The following OFD1 variants were observed in gnomAD, a reference collection of about 807,000 sequenced individuals.
The protein encoded by OFD1 is OFD1 centriole and centriolar satellite protein.
In OFD1, 12 loss-of-function variants were observed where a neutral mutation model predicts 81.4. That is an observed-to-expected ratio of 0.15 (90% CI 0.09 to 0.24). The LOEUF (loss-of-function observed/expected upper bound fraction) is 0.24. OFD1 is among the 10% of genes least tolerant of loss of function. The probability of loss-of-function intolerance (pLI) is 1.00; values close to 1 mark genes in which losing one functional copy is unlikely to be tolerated. For synonymous variants in OFD1, 256 were observed against 263.7 expected, an observed-to-expected ratio of 0.97 and a Z score of 0.28; for missense variants, 685 against 733.9, an observed-to-expected ratio of 0.93 and a Z score of 0.77.
chrX:13,730,046 A>T (rs889394917), upstream of OFD1, among the ~76,000 whole-genome samples: 1 of 112,237 alleles, frequency 8.9e-6, no homozygotes, highest in Admixed American at 9.5e-5. Flanking sequence ...AAAAGCAATG[A>T]CAACAAAAGC....
intron 18 of OFD1, 24 bp from the exon 19 acceptor site, chrX:13,763,721 A>G: frequency 8.7e-7 from 1 of 1,147,548 alleles, no homozygotes; most frequent in Non-Finnish European, 1.2e-6. Context: ...TTAAGGACTC[A>G]TGGGACAATT....
chrX:13,739,778 A>C, intron 5 of OFD1: 1 of 742,953 alleles, frequency 1.3e-6, no homozygotes, highest in Non-Finnish European at 1.6e-6. Flanking sequence ...ATATAGACCT[A>C]ATAAATTGCC....
rs1348492246 is a variant in OFD1, at chrX:13,736,480, A to G, written c.114A>G (p.Thr38=). 1.7e-6 allele frequency: 2 copies of G among 1,209,655 alleles called. No individual in the cohort carries two copies. The highest frequency in any genetic ancestry group is 3.5e-5 in the South Asian group (2 of 56,945). The change falls in exon 3 of 23, where the codon ACA becomes ACG. Residue 38 remains threonine (T), a splice_region_variant and synonymous_variant. Transcript: ENST00000340096. ...KDRGILDTLK[T]QLRNQLIHEL... ...TTTTTGTTTTTATTTTATGCTAGACACAACTTCGAAACCAGCTAATTCATG... is the reference window on the plus strand; with the variant it reads ...TTTTTGTTTTTATTTTATGCTAGACGCAACTTCGAAACCAGCTAATTCATG...
intron 21 of OFD1, 91 bp downstream of exon 21, chrX:13,768,315 A>T: frequency 1.4e-6 from 1 of 694,596 alleles, no homozygotes; most frequent in Non-Finnish European, 2.3e-6. Flanking sequence ...CGTCTTCTCC[A>T]TTGAAGACAA....
intron 5 of OFD1, chrX:13,740,054 A>G: frequency 1.1e-6 from 1 of 939,706 alleles, no homozygotes; most frequent in Non-Finnish European, 1.4e-6. Context: ...CAATTCATTT[A>G]GAACTTAATC....
the OFD1 span, among the ~76,000 whole-genome samples, chrX:13,723,642 A>C: frequency 9.0e-6 from 1 of 111,721 alleles, no homozygotes; most frequent in African/African-American, 3.3e-5. Flanking sequence ...CCATCGCCTT[A>C]AATAGGGGCC....
the OFD1 span, chrX:13,716,517 T>C: frequency 8.3e-7 from 1 of 1,209,119 alleles, no homozygotes; most frequent in Non-Finnish European, 1.1e-6. Context: ...TTACCTTTAC[T>C]AAGAAGGTAA....
upstream of OFD1, among the ~76,000 whole-genome samples, chrX:13,733,799 TG>T (rs1194705158): frequency 9.1e-6 from 1 of 110,403 alleles, no homozygotes; most frequent in Non-Finnish European, 1.9e-5. Flanking sequence ...CTTCCTGTGA[TG>T]TTCTCCTTTT....
Position 13,760,065 on chromosome X carries a change from T to G in OFD1, c.1655-50T>G, listed in dbSNP as rs755350859. ...AAATAATATTCTCAAGTATATTTTC[T>G]TCTCTGCCTTGTCCACTTACTTCTG... On this transcript the variant is annotated intron_variant, in intron 15 of 22. Coordinates refer to ENST00000340096, the MANE Select transcript of OFD1 (RefSeq NM_003611.3). The G allele has an allele frequency of 1.3e-5, 16 of 1,205,799 alleles. 1 individual carries two copies. The Admixed American group carries it at 2.4e-4, about 18-fold the overall frequency.
intron 5 of OFD1, 72 bp downstream of exon 5, chrX:13,739,104 A>G (rs1241793300): frequency 2.3e-6 from 2 of 884,156 alleles, no homozygotes; most frequent in East Asian, 6.4e-5. Context: ...GAATGAAGCA[A>G]ATTTTTAGGG....
Position 13,736,489 on chromosome X carries a change from A to C in OFD1, c.123A>C (p.Arg41=). 1 of 1,211,081 alleles carries C rather than the reference A, an allele frequency of 8.3e-7. No individual in the cohort carries two copies. The highest frequency in any genetic ancestry group is 1.1e-6 in the Non-Finnish European group (1 of 894,744). Residue 41 remains arginine, a synonymous_variant, in exon 3 of 23, where the codon CGA becomes CGC. Transcript: ENST00000340096. ...GILDTLKTQL[R]NQLIHELMHP... The stretch of plus-strand genomic sequence containing the variant: ...TTATTTTATGCTAGACACAACTTCG[A>C]AACCAGCTAATTCATGAGTTGATGC...
At position 13,769,037 on chromosome X, in the gene OFD1, A is replaced by G. The variant is rs148787280; in HGVS notation, c.2997-29A>G. ...AAATAAACTTGACACAAATTTTTAC[A>G]TTTTAATTTTTATCTTTCCCTAATT... On this transcript the variant is annotated intron_variant, in intron 22 of 22. Transcript: ENST00000340096. The G allele has an allele frequency of 3.4e-3, 3,701 of 1,104,687 alleles. 55 individuals are homozygous for G. In the African/African-American group the frequency reaches 0.044, roughly 13 times the overall value. 91.0% of individuals were successfully genotyped at this position (1,104,687 alleles called of 1,213,427 possible).
the OFD1 span, among the ~76,000 whole-genome samples, chrX:13,724,928 C>T: frequency 1.8e-5 from 2 of 113,441 alleles, no homozygotes; most frequent in Non-Finnish European, 3.7e-5. Flanking sequence ...GTCTTAGCAA[C>T]CGGCAGACAA....
the OFD1 span, among the ~76,000 whole-genome samples, chrX:13,729,568 C>G: frequency 3.6e-5 from 4 of 112,126 alleles, no homozygotes; most frequent in Non-Finnish European, 5.6e-5. Flanking sequence ...GAAACTGGAT[C>G]CCTTCCTTAC....
chrX:13,765,703 A>G (rs1026609184), intron 19 of OFD1, among the ~76,000 whole-genome samples: 1 of 112,017 alleles, frequency 8.9e-6, no homozygotes, highest in East Asian at 2.8e-4. Flanking sequence ...GGTCAGAGCC[A>G]GAAGAGAAAG....
chrX:13,754,328 T>C (rs2047619764), intron 11 of OFD1, among the ~76,000 whole-genome samples: 1 of 110,543 alleles, frequency 9.0e-6, no homozygotes, highest in Non-Finnish European at 1.9e-5. Flanking sequence ...AGTTGAAGTT[T>C]TGGTGGAAAT....
At chrX:13,756,507 C>A in intron 12 of OFD1, 71 bp from the exon 13 acceptor site, 1 of 846,369 alleles carries the variant, frequency 1.2e-6, no homozygotes, top group Non-Finnish European at 1.7e-6. Context: ...CTTAAAGGAG[C>A]CTGCCAGCTT....
At chrX:13,736,127 G>C (rs1318294250) in intron 2 of OFD1, 1 of 848,730 alleles carries the variant, frequency 1.2e-6, no homozygotes, top group African/African-American at 2.2e-5. Context: ...GTGTGATGAA[G>C]TGGCAGAATT....
In OFD1 at chrX:13,734,860, A is replaced by G; in HGVS notation, c.-212A>G. ...TCCTCGCCCTTGCCTCAGAACCGCGAAGAAAGGAAGCTCGCGTGTTTGCTA... is the reference window on the plus strand; with the variant it reads ...TCCTCGCCCTTGCCTCAGAACCGCGGAGAAAGGAAGCTCGCGTGTTTGCTA... On this transcript the variant is annotated 5_prime_UTR_variant, in exon 1 of 23. Transcript: ENST00000340096. The G allele has an allele frequency of 4.6e-6, 5 of 1,084,101 alleles. No homozygotes were observed. In the South Asian group the frequency reaches 7.1e-5, roughly 15 times the overall value. 89.3% of individuals were successfully genotyped at this position (1,084,101 alleles called of 1,213,427 possible). A position where few individuals can be genotyped will look rare whatever the true frequency, so the allele number is the denominator to read the frequency against.
Sources: allele counts gnomAD v4.1 joint callset (sites outside exome capture counted in the v4.1 genomes callset), GRCh38; gene constraint gnomAD v4.1.1; transcripts MANE v1.5; gene names NCBI Gene and HGNC (gene_info 2026-07-23, HGNC 2026-07-21).